NEGR1: variants seen among roughly 807,000 people sequenced by gnomAD.
The protein encoded by NEGR1 is neuronal growth regulator 1.
Under a neutral mutation model 40.9 loss-of-function variants are expected in NEGR1, and 10 were observed. That is an observed-to-expected ratio of 0.24 (90% CI 0.15 to 0.42). The LOEUF (loss-of-function observed/expected upper bound fraction) is 0.42, where lower values mean the gene tolerates loss of function less well. NEGR1 is among the 10% of genes least tolerant of loss of function. The probability of loss-of-function intolerance (pLI) is 1.00; values close to 1 mark genes in which losing one functional copy is unlikely to be tolerated. For synonymous variants in NEGR1, 185 were observed against 166.8 expected, an observed-to-expected ratio of 1.11 and a Z score of -0.84; for missense variants, 352 against 438.9, an observed-to-expected ratio of 0.80 and a Z score of 1.77.
chr1:72,141,834 C>G (rs1054032987), intron 1 of NEGR1, among the ~76,000 whole-genome samples: 2 of 151,874 alleles, frequency 1.3e-5, no homozygotes, highest in Non-Finnish European at 2.9e-5. Context: ...TTATGACTGT[C>G]TAGTATGGTA....
At chr1:71,943,252 A>G (rs1352614071) in intron 1 of NEGR1, among the ~76,000 whole-genome samples, 1 of 146,208 alleles carries the variant, frequency 6.8e-6, no homozygotes, top group Non-Finnish European at 1.5e-5. Context: ...ACACACACAT[A>G]CATACACATG....
At position 71,398,752 on chromosome 1, in the gene NEGR1, G is replaced by T. The variant is rs537563376; in HGVS notation, c.*8694C>A. Reference sequence around the variant, plus strand: ...GGAGGGACCAGGGGTGGAATGATATGGTTTGGCTGTGTCCCCACCCAAGTC... The same window carrying T: ...GGAGGGACCAGGGGTGGAATGATATTGTTTGGCTGTGTCCCCACCCAAGTC... On this transcript the variant is annotated 3_prime_UTR_variant, in exon 7 of 7. Coordinates refer to ENST00000357731, the MANE Select transcript of NEGR1 (RefSeq NM_173808.3). The T allele has an allele frequency of 6.6e-6, 1 of 152,250 alleles. No individual in the cohort carries two copies. The highest frequency in any genetic ancestry group is 2.4e-5 in the African/African-American group (1 of 41,546). 9.4% of individuals were successfully genotyped at this position (152,250 alleles called of 1,614,324 possible). A position where few individuals can be genotyped will look rare whatever the true frequency, so the allele number is the denominator to read the frequency against.
chr1:72,213,129 C>T (rs1176145553), intron 1 of NEGR1, among the ~76,000 whole-genome samples: 1 of 151,896 alleles, frequency 6.6e-6, no homozygotes, highest in South Asian at 2.1e-4. Context: ...TTTCAGATTA[C>T]TCTGCTGAAG....
chr1:71,755,669 T>G (rs1009666278), intron 3 of NEGR1, among the ~76,000 whole-genome samples: 4 of 152,182 alleles, frequency 2.6e-5, no homozygotes, highest in African/African-American at 9.7e-5. Flanking sequence ...ATTAGCAACT[T>G]CCTGTCCTTA....
chr1:72,032,807 G>A (rs1391816065), intron 1 of NEGR1, among the ~76,000 whole-genome samples: 1 of 152,014 alleles, frequency 6.6e-6, no homozygotes, highest in Admixed American at 6.6e-5. Context: ...CACTTCCTAG[G>A]TGAGTAGACT....
chr1:71,917,152 C>T (rs1242858212), intron 2 of NEGR1, among the ~76,000 whole-genome samples: 3 of 152,138 alleles, frequency 2.0e-5, no homozygotes, highest in Admixed American at 1.3e-4. Context: ...ATAAATGTCA[C>T]GCTATAGTGA....
At chr1:71,765,264 T>G (rs1656082354) in intron 3 of NEGR1, among the ~76,000 whole-genome samples, 1 of 151,900 alleles carries the variant, frequency 6.6e-6, no homozygotes, top group African/African-American at 2.4e-5. Flanking sequence ...GCTACAAAAT[T>G]TTGCCTCATT....
In NEGR1 at chr1:72,078,689, G is replaced by C. The variant is rs574579637; in HGVS notation, c.177-143378C>G. Among the ~76,000 whole-genome samples, 281 of 149,548 alleles carry C rather than the reference G, an allele frequency of 1.9e-3. 1 individual carries two copies. The highest frequency in any genetic ancestry group is 5.0e-3 in the South Asian group (24 of 4,762). The stretch of plus-strand genomic sequence containing the variant: ...AGTTTCATTCTTATTGCCCAGGCTG[G>C]AGTGCAATGGCGTGATTTCGGCTCA... On this transcript the variant is annotated intron_variant, in intron 1 of 6. Transcript: ENST00000357731.
chr1:71,704,226 C>A (rs549918940), intron 3 of NEGR1, among the ~76,000 whole-genome samples: 2 of 149,086 alleles, frequency 1.3e-5, no homozygotes, highest in African/African-American at 2.5e-5. Flanking sequence ...AATTTTGTAA[C>A]CTTTACCTTA....
chr1:71,758,314 A>G (rs1266693389), intron 3 of NEGR1, among the ~76,000 whole-genome samples: 1 of 152,104 alleles, frequency 6.6e-6, no homozygotes, highest in East Asian at 1.9e-4. Context: ...TAAAAGATTA[A>G]TCAGATACAT....
At chr1:71,902,962 AC>A (rs1378637066) in intron 2 of NEGR1, among the ~76,000 whole-genome samples, 7 of 152,032 alleles carry the variant, frequency 4.6e-5, no homozygotes, top group African/African-American at 1.4e-4. Flanking sequence ...ATTGAAAAAA[AC>A]ATGAGACTAG....
At chr1:72,199,746 A>T (rs2100444580) in intron 1 of NEGR1, among the ~76,000 whole-genome samples, 1 of 152,086 alleles carries the variant, frequency 6.6e-6, no homozygotes, top group South Asian at 2.1e-4. Context: ...TCCACTTTTT[A>T]AACATAAAAT....
At chr1:72,282,197 TG>T in intron 1 of NEGR1, 121 bp downstream of exon 1, 2 of 1,155,272 alleles carry the variant, frequency 1.7e-6, no homozygotes, top group Non-Finnish European at 2.4e-6. Context: ...TCTTGGGATG[TG>T]GTCTTTCCAT....
chr1:71,768,881 T>A (rs2101709166), intron 3 of NEGR1, among the ~76,000 whole-genome samples: 1 of 152,230 alleles, frequency 6.6e-6, no homozygotes, highest in African/African-American at 2.4e-5. Flanking sequence ...TCAGGAGATC[T>A]GGTTGTTTAA....
chr1:71,615,785 T>G (rs1342197702), intron 4 of NEGR1, among the ~76,000 whole-genome samples: 3 of 152,088 alleles, frequency 2.0e-5, no homozygotes, highest in Non-Finnish European at 4.4e-5. Flanking sequence ...CCTACAGAGA[T>G]TATTTGTCTG....
chr1:71,844,711 C>T (rs1018760311), intron 2 of NEGR1, among the ~76,000 whole-genome samples: 1 of 152,176 alleles, frequency 6.6e-6, no homozygotes, highest in Non-Finnish European at 1.5e-5. Context: ...AAATTAGTTT[C>T]TCACCAGCCT....
At position 71,957,430 on chromosome 1, in the gene NEGR1, A is replaced by T. The variant is rs1646128425; in HGVS notation, c.177-22119T>A. Among the ~76,000 whole-genome samples the T allele has an allele frequency of 2.6e-5, 4 of 152,282 alleles. No individual in the cohort carries two copies. In the East Asian group the frequency reaches 5.8e-4, roughly 22 times the overall value. Reference sequence around the variant, plus strand: ...AGAGAGCTAGTCATTCTATATAAAAATGAACTGAACCAATTGATATATACT... The same window carrying T: ...AGAGAGCTAGTCATTCTATATAAAATTGAACTGAACCAATTGATATATACT... On this transcript the variant is annotated intron_variant, in intron 1 of 6. Coordinates refer to ENST00000357731, the MANE Select transcript of NEGR1 (RefSeq NM_173808.3).
intron 1 of NEGR1, among the ~76,000 whole-genome samples, chr1:71,938,572 TG>T (rs1316218632): frequency 1.3e-5 from 2 of 152,058 alleles, no homozygotes; most frequent in African/African-American, 4.8e-5. Context: ...TAAGAAATTT[TG>T]TAAGGAGGGA....
In NEGR1 at chr1:72,263,174, T is replaced by A. The variant is rs776183083; in HGVS notation, c.176+19145A>T. 3.0e-4 allele frequency among the ~76,000 whole-genome samples: 46 copies of A among 151,694 alleles called. 2 individuals are homozygous for A. The highest frequency in any genetic ancestry group is 1.6e-4 in the Non-Finnish European group (11 of 67,772). On this transcript the variant is annotated intron_variant, in intron 1 of 6. Coordinates refer to ENST00000357731, the MANE Select transcript of NEGR1 (RefSeq NM_173808.3). ...AAATATTATTAAAAATAGTTATTTT[T>A]AAAAATTACCTTTATCTAGTATTTT...
Sources: gnomAD v4.1 joint callset for allele counts (sites outside exome capture counted in the v4.1 genomes callset) on GRCh38, gnomAD v4.1.1 for gene constraint, MANE v1.5 for transcripts, NCBI Gene and HGNC (gene_info 2026-07-23, HGNC 2026-07-21) for gene names.